The following MACROD1 variants were observed in gnomAD, a reference collection of about 807,000 sequenced individuals.
MACROD1 encodes ADP-ribose glycohydrolase MACROD1.
MACROD1 carries 31 observed loss-of-function variants against 41.4 expected under a neutral mutation model. That is an observed-to-expected ratio of 0.75 (90% CI 0.56 to 1.01). The LOEUF (loss-of-function observed/expected upper bound fraction) is 1.01, where lower values mean the gene tolerates loss of function less well. Among genes scored for constraint, MACROD1 ranks in the 50% least tolerant of loss-of-function variants. The probability of loss-of-function intolerance (pLI) is 0.00; values close to 1 mark genes in which losing one functional copy is unlikely to be tolerated. For synonymous variants in MACROD1, 252 were observed against 203.4 expected, an observed-to-expected ratio of 1.24 and a Z score of -2.03; for missense variants, 473 against 460.0, an observed-to-expected ratio of 1.03 and a Z score of -0.26.
chr11:64,128,025 T>C (rs1028263156), intron 3 of MACROD1, among the ~76,000 whole-genome samples: 1 of 152,206 alleles, frequency 6.6e-6, no homozygotes, highest in Non-Finnish European at 1.5e-5. Context: ...GGTTTTTCCT[T>C]ATATTCCAAA....
intron 3 of MACROD1, among the ~76,000 whole-genome samples, chr11:64,123,100 G>A (rs1474970297): frequency 6.6e-6 from 1 of 152,218 alleles, no homozygotes; most frequent in African/African-American, 2.4e-5. Flanking sequence ...GGAGGGCAAC[G>A]GGGAGAGCAG....
rs780842631 is a variant in MACROD1 at position 64,019,177 on chromosome 11, C to T, written c.518-3896G>A. Reference sequence around the variant, plus strand: ...CTGCTCTTGGAGTCACCTGTAGGCCCCCACTGCAGGCCGAGGTGGCCCGGC... The same window carrying T: ...CTGCTCTTGGAGTCACCTGTAGGCCTCCACTGCAGGCCGAGGTGGCCCGGC... On this transcript the variant is annotated intron_variant, in intron 3 of 10. Coordinates refer to ENST00000255681, the MANE Select transcript of MACROD1 (RefSeq NM_014067.4). 2.6e-5 allele frequency among the ~76,000 whole-genome samples: 4 copies of T among 152,206 alleles called. 1 individual carries two copies. The highest frequency in any genetic ancestry group is 5.9e-5 in the Non-Finnish European group (4 of 68,018).
At chr11:64,137,440 A>C (rs537734844) in intron 3 of MACROD1, among the ~76,000 whole-genome samples, 21 of 152,258 alleles carry the variant, frequency 1.4e-4, no homozygotes, top group African/African-American at 4.1e-4. Context: ...AAAGAAAAGA[A>C]GGCATTCAGC....
At chr11:64,126,613 G>A (rs574354281) in intron 3 of MACROD1, among the ~76,000 whole-genome samples, 5 of 152,218 alleles carry the variant, frequency 3.3e-5, no homozygotes, top group Non-Finnish European at 7.4e-5. Flanking sequence ...GGCACACAAC[G>A]TCATCCCCTT....
chr11:64,094,441 A>T (rs575535435), intron 3 of MACROD1, among the ~76,000 whole-genome samples: 1 of 152,040 alleles, frequency 6.6e-6, no homozygotes, highest in African/African-American at 2.4e-5. Context: ...AAAAAAAAAA[A>T]AAAATCCCAA....
At chr11:64,124,829 T>C (rs683686) in intron 3 of MACROD1, among the ~76,000 whole-genome samples, 80,951 of 152,016 alleles carry the variant, frequency 0.53, 24,631 homozygotes, top group Non-Finnish European at 0.68. Flanking sequence ...TACAGGCGTG[T>C]GCCACCATGC....
At chr11:64,097,767 C>T (rs945290270) in intron 3 of MACROD1, among the ~76,000 whole-genome samples, 1 of 152,180 alleles carries the variant, frequency 6.6e-6, no homozygotes, top group Non-Finnish European at 1.5e-5. Flanking sequence ...TGGGGTGGGC[C>T]CATCTCACAG....
In MACROD1 at chr11:64,036,362, A is replaced by AGTAGCG; in HGVS notation, c.518-21087_518-21082dup. ...GTCCCTGAGTCAAGAGCCAAGCACC[A>AGTAGCG]GTAGCGGTGGCGCTGGCCCCGCCGC... On this transcript the variant is annotated intron_variant, in intron 3 of 10. Coordinates refer to ENST00000255681, the MANE Select transcript of MACROD1 (RefSeq NM_014067.4). This position sits in a 1 kb window ranked among gnomAD's most constrained non-coding sequence, Gnocchi z 5.6. Among the ~76,000 whole-genome samples, 1 of 152,176 alleles carries AGTAGCG rather than the reference A, an allele frequency of 6.6e-6. No homozygotes were observed. Among genetic ancestry groups the AGTAGCG allele is most frequent in the East Asian group, 1.9e-4 (1 of 5,136 alleles).
intron 3 of MACROD1, among the ~76,000 whole-genome samples, chr11:64,048,668 G>C (rs563577178): frequency 6.1e-5 from 9 of 147,112 alleles, no homozygotes; most frequent in Admixed American, 2.0e-4. Context: ...CCTTAAAGCA[G>C]CCCTACAAAG....
At chr11:64,153,652 G>T (rs957557612) in intron 1 of MACROD1, among the ~76,000 whole-genome samples, 3 of 152,080 alleles carry the variant, frequency 2.0e-5, no homozygotes, top group Non-Finnish European at 4.4e-5. Context: ...CATGCAAGGG[G>T]CCCAGTCCAG....
chr11:64,046,314 A>C (rs1943582859), intron 3 of MACROD1, among the ~76,000 whole-genome samples: 1 of 152,180 alleles, frequency 6.6e-6, no homozygotes, highest in East Asian at 1.9e-4. Context: ...TTGCTACTAG[A>C]GCCTGGTGGG....
intron 1 of MACROD1, among the ~76,000 whole-genome samples, chr11:64,158,539 G>A (rs892334734): frequency 6.6e-6 from 1 of 152,088 alleles, no homozygotes; most frequent in African/African-American, 2.4e-5. Flanking sequence ...CACCACGCCT[G>A]GCCCAAAGTG....
intron 3 of MACROD1, among the ~76,000 whole-genome samples, chr11:64,063,273 C>T (rs1943937798): frequency 6.6e-6 from 1 of 152,046 alleles, no homozygotes; most frequent in Non-Finnish European, 1.5e-5. Context: ...TATTAGCGCC[C>T]TCTTCCTAGG....
At chr11:64,148,793 G>C in intron 3 of MACROD1, 2 of 985,750 alleles carry the variant, frequency 2.0e-6, no homozygotes, top group Non-Finnish European at 2.4e-6. Context: ...TGATATATGG[G>C]CTCCTGGGAA....
chr11:63,999,941 A>G (rs1163844201), intron 5 of MACROD1, 178 bp from the exon 6 acceptor site: 2 of 722,534 alleles, frequency 2.8e-6, no homozygotes, highest in Admixed American at 6.0e-5. Flanking sequence ...GCACGCGCAC[A>G]GAGCCCCGCG....
chr11:64,118,606 T>A (rs564377790), intron 3 of MACROD1: 2 of 233,466 alleles, frequency 8.6e-6, no homozygotes, highest in African/African-American at 4.6e-5. Context: ...TTTTTTTTTT[T>A]CCCCCCTGAA....
At chr11:64,016,816 G>T (rs1943088001) in intron 3 of MACROD1, among the ~76,000 whole-genome samples, 1 of 152,220 alleles carries the variant, frequency 6.6e-6, no homozygotes, top group East Asian at 1.9e-4. Context: ...CGAGGCAGTG[G>T]GAGCATGAGC....
At chr11:64,044,149 C>A (rs1590830780) in intron 3 of MACROD1, among the ~76,000 whole-genome samples, 1 of 152,096 alleles carries the variant, frequency 6.6e-6, no homozygotes, top group Admixed American at 6.6e-5. Flanking sequence ...ATGCTCGTAA[C>A]CCCCTCAGCC....
chr11:64,163,941 C>G (rs1308334789), intron 1 of MACROD1, among the ~76,000 whole-genome samples: 1 of 152,164 alleles, frequency 6.6e-6, no homozygotes, highest in African/African-American at 2.4e-5. Flanking sequence ...CACTCAATAA[C>G]GGGTCTGGAA....
Sources: gnomAD v4.1 joint callset for allele counts (sites outside exome capture counted in the v4.1 genomes callset) on GRCh38, gnomAD v4.1.1 for gene constraint, Gnocchi (gnomAD v3.1) non-coding constraint, MANE v1.5 for transcripts, NCBI Gene and HGNC (gene_info 2026-07-23, HGNC 2026-07-21) for gene names.